MARK3: variants seen among roughly 807,000 people sequenced by gnomAD.
The protein encoded by MARK3 is MAP/microtubule affinity-regulating kinase 3.
In MARK3, 46 loss-of-function variants were observed where a neutral mutation model predicts 90.1. The ratio of observed to expected loss-of-function variants is 0.51; its 90% confidence interval spans 0.40 to 0.65. The LOEUF (loss-of-function observed/expected upper bound fraction) is 0.65. Ranked by LOEUF, MARK3 falls within the 30% of genes least tolerant of loss-of-function variation. The pLI is 0.00. For missense variants in MARK3, 818 were observed against 947.2 expected (o/e 0.86, Z 1.79); for synonymous variants, 321 against 332.6 (o/e 0.97, Z 0.38).
In MARK3 at chr14:103,461,771, T is replaced by A. The variant is rs533175570; in HGVS notation, c.484-634T>A. Among the ~76,000 whole-genome samples the A allele has an allele frequency of 1.1e-4, 16 of 152,250 alleles. 1 individual carries two copies. The South Asian group carries it at 3.3e-3, about 32-fold the overall frequency. On this transcript the variant is annotated intron_variant, in intron 6 of 17. Coordinates refer to ENST00000429436, the MANE Select transcript of MARK3 (RefSeq NM_001128918.3). ...GTTGCACCAGGCCGGGCGCAGTGGC[T>A]CACACCTGTAATCCTAGCACTTTGG...
intron 3 of MARK3, among the ~76,000 whole-genome samples, chr14:103,437,630 T>G (rs1359725232): frequency 6.6e-6 from 1 of 152,220 alleles, no homozygotes; most frequent in Non-Finnish European, 1.5e-5. Flanking sequence ...TATGCTATTT[T>G]AGAAAAGTCA....
At chr14:103,458,929 CTG>C in intron 6 of MARK3, 1 of 443,098 alleles carries the variant, frequency 2.3e-6, no homozygotes, top group Admixed American at 4.0e-5. Context: ...TTTAACTTCT[CTG>C]ATCCTGTTTT....
At chr14:103,438,117 C>G (rs888589813) in intron 3 of MARK3, among the ~76,000 whole-genome samples, 1 of 152,160 alleles carries the variant, frequency 6.6e-6, no homozygotes, top group Non-Finnish European at 1.5e-5. Flanking sequence ...TCCCCTCCCT[C>G]AGCCTCCCGA....
chr14:103,439,894 C>T (rs1356719404), intron 3 of MARK3, among the ~76,000 whole-genome samples: 1 of 151,892 alleles, frequency 6.6e-6, no homozygotes, highest in Non-Finnish European at 1.5e-5. Context: ...AAGTGATTCT[C>T]CTGCCTCAGC....
At position 103,502,613 on chromosome 14, in the gene MARK3, G is replaced by A. The variant is rs149512780; in HGVS notation, c.1917-269G>A. On this transcript the variant is annotated intron_variant, in intron 17 of 17. Coordinates refer to ENST00000429436, the MANE Select transcript of MARK3 (RefSeq NM_001128918.3). ...CTGATTTCCAAGGATTCTGCTTAAC[G>A]AATTACTTCGTTCATTTTAGTAAGC... 7.2e-5 allele frequency among the ~76,000 whole-genome samples: 11 copies of A among 152,336 alleles called. No homozygotes were observed. The East Asian group carries it at 2.1e-3, about 29-fold the overall frequency.
chr14:103,464,902 T>C (rs2093474541), intron 7 of MARK3, among the ~76,000 whole-genome samples: 1 of 152,188 alleles, frequency 6.6e-6, no homozygotes, highest in Non-Finnish European at 1.5e-5. Context: ...TCTCACTATG[T>C]TGCCCAAGCT....
chr14:103,397,660 A>G (rs947267013), intron 1 of MARK3, among the ~76,000 whole-genome samples: 1 of 152,180 alleles, frequency 6.6e-6, no homozygotes, highest in African/African-American at 2.4e-5. Context: ...CTTGTGCCTT[A>G]CAAGTTTTTT....
intron 2 of MARK3, among the ~76,000 whole-genome samples, chr14:103,409,435 T>TAAAAA (rs61200962): frequency 1.5e-3 from 143 of 93,424 alleles, no homozygotes; most frequent in African/African-American, 2.8e-3. Context: ...GAACTTAAAG[T>TAAAAA]AAAAAAAAAA....
At chr14:103,418,478 C>G (rs778063564) in intron 2 of MARK3, among the ~76,000 whole-genome samples, 68 of 152,080 alleles carry the variant, frequency 4.5e-4, no homozygotes, top group Non-Finnish European at 8.8e-4. Context: ...ATTGAAGACC[C>G]CAGATATTTG....
At position 103,491,872 on chromosome 14, in the gene MARK3, G is replaced by T. The variant is rs1566937587; in HGVS notation, c.1682G>T (p.Ser561Ile). ...ATCCGCTTCCCAAGAGGCACTGCCA[G>T]TCGTAGCACTTTCCACGGCCAGCCC... Reference protein sequence around the residue: ...DRIRFPRGTASRSTFHGQPRE... With the variant: ...DRIRFPRGTAIRSTFHGQPRE... Residue 561 changes from serine to isoleucine, a missense_variant, in exon 15 of 18, where the codon AGT (serine) becomes ATT (isoleucine). Around this residue, in one of 3 missense-constraint regions of MARK3, gnomAD observed 560 missense variants for 613.5 expected, o/e 0.91. Transcript: ENST00000429436. 6.2e-7 allele frequency: 1 copy of T among 1,614,202 alleles called. No homozygotes were observed. Among genetic ancestry groups the T allele is most frequent in the East Asian group, 2.2e-5 (1 of 44,882 alleles).
rs71126026 is a variant in MARK3, at chr14:103,452,471, C to CTTTTTTTTTTTTTTTTTTTTT, written c.412+506_412+507insTTTTTTTTTTTTTTTTTTTTT. Among the ~76,000 whole-genome samples, 371 of 97,442 alleles carry CTTTTTTTTTTTTTTTTTTTTT rather than the reference C, an allele frequency of 3.8e-3. 69 individuals carry two copies. Among genetic ancestry groups the CTTTTTTTTTTTTTTTTTTTTT allele is most frequent in the Non-Finnish European group, 5.6e-3 (249 of 44,444 alleles). 63.9% of individuals were successfully genotyped at this position (97,442 alleles called of 152,430 possible). On this transcript the variant is annotated intron_variant, in intron 5 of 17. Coordinates refer to ENST00000429436, the MANE Select transcript of MARK3 (RefSeq NM_001128918.3). ...ACAAGTGGAATTTTACAGGATTTGT[C>CTTTTTTTTTTTTTTTTTTTTT]TTTTTTTTTTTTTTTTTTGAGACGG...
chr14:103,417,706 C>T (rs912427999), intron 2 of MARK3, among the ~76,000 whole-genome samples: 2 of 152,076 alleles, frequency 1.3e-5, no homozygotes, highest in Non-Finnish European at 2.9e-5. Context: ...CAAAATCTAT[C>T]TTCTATCTCT....
chr14:103,452,552 A>G (rs983054760), intron 5 of MARK3, among the ~76,000 whole-genome samples: 3 of 140,598 alleles, frequency 2.1e-5, no homozygotes, highest in Non-Finnish European at 3.1e-5. Context: ...GCTCACTGCA[A>G]GCTCCGCCTC....
Position 103,423,200 on chromosome 14 carries a change from C to T in MARK3, c.244-5187C>T, listed in dbSNP as rs201262826. On this transcript the variant is annotated intron_variant, in intron 2 of 17. Transcript: ENST00000429436. ...TCTATCCCCCTAGAGGACTTGCAGT[C>T]TTTTTTTTTTTTTTGCCTCCTCTTT... Among the ~76,000 whole-genome samples the T allele has an allele frequency of 3.9e-3, 365 of 94,656 alleles. 2 individuals are homozygous for T. The highest frequency in any genetic ancestry group is 8.1e-3 in the Middle Eastern group (1 of 124). The allele number at this position is 94,656 out of a possible 152,430, so 62.1% of individuals were successfully genotyped here.
intron 7 of MARK3, 35 bp downstream of exon 7, chr14:103,462,496 T>C: frequency 6.6e-7 from 1 of 1,517,328 alleles, no homozygotes; most frequent in Non-Finnish European, 9.1e-7. Context: ...GTATGCTCTG[T>C]CTGTTTGTGT....
chr14:103,468,198 A>C lies in MARK3; in HGVS notation c.1264+12A>C. The C allele has an allele frequency of 6.2e-7, 1 of 1,600,516 alleles. No homozygotes were observed. The highest frequency in any genetic ancestry group is 1.7e-4 in the Middle Eastern group (1 of 5,980). Reference sequence around the variant, plus strand: ...CTACAGTGACCATGGTAAGTTTTGGAGTATCCCAGTGCCTTCTCTTAGAGT... The same window carrying C: ...CTACAGTGACCATGGTAAGTTTTGGCGTATCCCAGTGCCTTCTCTTAGAGT... On this transcript the variant is annotated intron_variant, in intron 12 of 17. Coordinates refer to ENST00000429436, the MANE Select transcript of MARK3 (RefSeq NM_001128918.3).
At chr14:103,422,094 A>G (rs915468365) in intron 2 of MARK3, among the ~76,000 whole-genome samples, 1 of 152,182 alleles carries the variant, frequency 6.6e-6, no homozygotes, top group Non-Finnish European at 1.5e-5. Context: ...TTTCAGGTTT[A>G]GGCATTATCT....
chr14:103,452,009 GT>G (rs772301590), intron 5 of MARK3, 26 bp downstream of exon 5: 16 of 1,509,812 alleles, frequency 1.1e-5, no homozygotes, highest in Admixed American at 7.1e-5. Context: ...TATATATTGG[GT>G]TTTTTTTCTT....
intron 14 of MARK3, among the ~76,000 whole-genome samples, chr14:103,488,298 C>T (rs762617160): frequency 2.6e-5 from 4 of 152,158 alleles, no homozygotes; most frequent in South Asian, 2.1e-4. Flanking sequence ...TGATTGGGCT[C>T]GGCACCATCA....
Sources: allele counts gnomAD v4.1 joint callset (sites outside exome capture counted in the v4.1 genomes callset), GRCh38; gene constraint gnomAD v4.1.1; regional missense constraint gnomAD v4.1.1; transcripts MANE v1.5; gene names NCBI Gene and HGNC (gene_info 2026-07-23, HGNC 2026-07-21).